CADPS: variants seen among roughly 807,000 people sequenced by gnomAD.
CADPS encodes the protein calcium dependent secretion activator, also known as calcium-dependent secretion activator 1.
CADPS carries 57 observed loss-of-function variants against 167.3 expected under a neutral mutation model. That is an observed-to-expected ratio of 0.34 (90% CI 0.28 to 0.42). The LOEUF (loss-of-function observed/expected upper bound fraction) is 0.42. Among genes scored for constraint, CADPS ranks in the 20% least tolerant of loss-of-function variants. The probability of loss-of-function intolerance (pLI) is 1.00; values close to 1 mark genes in which losing one functional copy is unlikely to be tolerated. For synonymous variants in CADPS, 676 were observed against 635.3 expected, an observed-to-expected ratio of 1.06 and a Z score of -0.96; for missense variants, 1,414 against 1,738.1, an observed-to-expected ratio of 0.81 and a Z score of 3.32.
chr3:62,662,297 C>A lies in CADPS; in HGVS notation c.969+17G>T. The A allele has an allele frequency of 1.2e-6, 2 of 1,610,008 alleles. No individual in the cohort carries two copies. The highest frequency in any genetic ancestry group is 1.7e-6 in the Non-Finnish European group (2 of 1,176,376). On this transcript the variant is annotated intron_variant, in intron 4 of 29. Coordinates refer to ENST00000383710, the MANE Select transcript of CADPS (RefSeq NM_003716.4). Reference sequence around the variant, plus strand: ...CTTTGGCCTGGACCCCAGCAAACAACCACAATGTTTCCTTACCCTGGCTAT... The same window carrying A: ...CTTTGGCCTGGACCCCAGCAAACAAACACAATGTTTCCTTACCCTGGCTAT...
intron 1 of CADPS, among the ~76,000 whole-genome samples, chr3:62,871,468 G>A (rs1165773377): frequency 1.3e-5 from 2 of 152,092 alleles, no homozygotes; most frequent in African/African-American, 4.8e-5. Context: ...AAGTACACCT[G>A]ACATGTTGTT....
chr3:62,740,133 T>G (rs1476725004), intron 3 of CADPS, among the ~76,000 whole-genome samples: 1 of 152,136 alleles, frequency 6.6e-6, no homozygotes, highest in Non-Finnish European at 1.5e-5. Context: ...TGCTTCGGAG[T>G]TGGCTTAGCT....
At chr3:62,469,878 A>G (rs1402901169) in intron 24 of CADPS, among the ~76,000 whole-genome samples, 1 of 152,128 alleles carries the variant, frequency 6.6e-6, no homozygotes, top group Non-Finnish European at 1.5e-5. Context: ...CTAATATTCA[A>G]TGGCCTGGAA....
intron 1 of CADPS, among the ~76,000 whole-genome samples, chr3:62,824,166 C>CAAAAAAAAAAAAAAAAAA (rs3047274): frequency 1.6e-5 from 2 of 126,650 alleles, no homozygotes; most frequent in Non-Finnish European, 1.7e-5. Context: ...GCTATAACTT[C>CAAAAAAAAAAAAAAAAAA]AAAAAAAAAA....
intron 14 of CADPS, 132 bp downstream of exon 14, chr3:62,518,017 T>C (rs2069425807): frequency 2.9e-6 from 2 of 687,130 alleles, no homozygotes; most frequent in Non-Finnish European, 5.1e-6. Context: ...ATTGATTTGC[T>C]TGTTCTACTC....
chr3:62,663,620 A>G (rs1412623877), intron 3 of CADPS, among the ~76,000 whole-genome samples: 1 of 151,716 alleles, frequency 6.6e-6, no homozygotes, highest in Non-Finnish European at 1.5e-5. Context: ...CCAAAAAAAA[A>G]AAAAAAAAAA....
chr3:62,496,019 C>A (rs868605103), intron 18 of CADPS, among the ~76,000 whole-genome samples: 6 of 151,754 alleles, frequency 4.0e-5, no homozygotes, highest in Non-Finnish European at 7.4e-5. Context: ...AACAGCATGG[C>A]CACACAGCCA....
intron 17 of CADPS, among the ~76,000 whole-genome samples, chr3:62,512,102 A>G (rs1391274411): frequency 6.6e-6 from 1 of 152,174 alleles, no homozygotes; most frequent in Non-Finnish European, 1.5e-5. Context: ...ACAACCCTTT[A>G]GACTACAAAA....
At chr3:62,449,153 A>G (rs935674695) in intron 26 of CADPS, among the ~76,000 whole-genome samples, 14 of 152,198 alleles carry the variant, frequency 9.2e-5, no homozygotes, top group Admixed American at 1.3e-4. Context: ...GCCCTAGAAA[A>G]AGGTCTAAAC....
intron 1 of CADPS, among the ~76,000 whole-genome samples, chr3:62,790,926 C>T (rs1267854051): frequency 6.6e-6 from 1 of 151,086 alleles, no homozygotes; most frequent in Non-Finnish European, 1.5e-5. Flanking sequence ...TTGTTACCGT[C>T]ATGATAATTC....
chr3:62,773,154 T>C (rs552453249), intron 1 of CADPS, among the ~76,000 whole-genome samples: 1 of 152,134 alleles, frequency 6.6e-6, no homozygotes, highest in South Asian at 2.1e-4. Context: ...ACTTCAAAAA[T>C]TTATATTGGG....
chr3:62,545,178 T>G (rs1577503559), intron 11 of CADPS, among the ~76,000 whole-genome samples: 1 of 151,896 alleles, frequency 6.6e-6, no homozygotes, highest in South Asian at 2.1e-4. Context: ...AATGACTCAT[T>G]GCAAGTGATA....
rs777768926 is a variant in CADPS, at chr3:62,532,963, G to C, written c.2199C>G (p.Asp733Glu). ...CGCCATTTTCTGCCCGTTCAAGCAA[G>C]TCTCTGAGGTAGCAGAGATGTCGGT... ...GCHRHLCYLR[D>E]LLERAENGAM... Residue 733 changes from aspartate to glutamate, a missense_variant, in exon 13 of 30, where the codon GAC becomes GAG. Asp to Glu is a conservative substitution (Grantham distance 45, BLOSUM62 2). This residue lies in a region of CADPS where 529 missense variants were observed against 629.6 expected (regional missense o/e 0.84). Coordinates refer to ENST00000383710, the MANE Select transcript of CADPS (RefSeq NM_003716.4). 1 of 1,613,844 alleles carries C rather than the reference G, an allele frequency of 6.2e-7. No homozygotes were observed. Among genetic ancestry groups the C allele is most frequent in the Non-Finnish European group, 8.5e-7 (1 of 1,179,850 alleles).
At chr3:62,668,776 CG>C (rs1468869213) in intron 3 of CADPS, among the ~76,000 whole-genome samples, 2 of 152,090 alleles carry the variant, frequency 1.3e-5, no homozygotes, top group Non-Finnish European at 2.9e-5. Context: ...TACATTACAG[CG>C]GCAAATACAG....
intron 28 of CADPS, among the ~76,000 whole-genome samples, chr3:62,416,580 T>C (rs1228680996): frequency 2.0e-5 from 3 of 152,188 alleles, no homozygotes; most frequent in Non-Finnish European, 4.4e-5. Flanking sequence ...GATTTGAGGC[T>C]GTGAAACGCC....
rs910610366 is a variant in CADPS at position 62,514,416 on chromosome 3, G to A, written c.2581+1643C>T. ...CAATCACGGACAAGGAAGGAGAGAA[G>A]CGGAAGAGAGCAGGTAGTGTGGAAT... On this transcript the variant is annotated intron_variant, in intron 16 of 29. Coordinates refer to ENST00000383710, the MANE Select transcript of CADPS (RefSeq NM_003716.4). The surrounding 1 kb of genome is among the most constrained non-coding windows in gnomAD (Gnocchi z 4.2). 1.3e-5 allele frequency among the ~76,000 whole-genome samples: 2 copies of A among 152,026 alleles called. No homozygotes were observed. The highest frequency in any genetic ancestry group is 2.9e-5 in the Non-Finnish European group (2 of 67,976).
intron 28 of CADPS, among the ~76,000 whole-genome samples, chr3:62,424,270 G>A (rs923970346): frequency 2.6e-5 from 4 of 152,020 alleles, no homozygotes; most frequent in East Asian, 1.9e-4. Flanking sequence ...TGCAACCTCC[G>A]CCTCCTGGGT....
At position 62,869,581 on chromosome 3, in the gene CADPS, A is replaced by C. The variant is rs115438892; in HGVS notation, c.441+5008T>G. Among the ~76,000 whole-genome samples the C allele has an allele frequency of 4.9e-3, 747 of 152,194 alleles. 7 individuals carry two copies. Among genetic ancestry groups the C allele is most frequent in the African/African-American group, 0.017 (704 of 41,550 alleles). ...CTACTGTATCCAATCCTGTGTGTGC[A>C]TGCACTCTTCTTTCTTCCTTCCCCA... On this transcript the variant is annotated intron_variant, in intron 1 of 29. Coordinates refer to ENST00000383710, the MANE Select transcript of CADPS (RefSeq NM_003716.4).
At chr3:62,513,663 G>A in intron 16 of CADPS, 2 of 1,594,268 alleles carry the variant, frequency 1.3e-6, no homozygotes, top group South Asian at 1.1e-5. Context: ...TCACTTGGGA[G>A]GCCAAGCAGA....
Sources: allele counts gnomAD v4.1 joint callset (sites outside exome capture counted in the v4.1 genomes callset), GRCh38; gene constraint gnomAD v4.1.1; regional missense constraint gnomAD v4.1.1; non-coding constraint Gnocchi (gnomAD v3.1); transcripts MANE v1.5; gene names NCBI Gene and HGNC (gene_info 2026-07-23, HGNC 2026-07-21).